LRP5: variants seen among roughly 807,000 people sequenced by gnomAD.
LRP5 encodes the protein low-density lipoprotein receptor-related protein 5.
A neutral mutation model predicts 154.1 loss-of-function variants in LRP5; 62 were observed. The observed-to-expected ratio is 0.40, with a 90% CI of 0.33 to 0.50. The LOEUF is 0.50. LRP5 is among the 20% of genes least tolerant of loss of function. The pLI, the probability that LRP5 is intolerant of heterozygous loss-of-function variation, is 0.55. For missense variants in LRP5, 1,915 were observed against 2,336.7 expected, an observed-to-expected ratio of 0.82 and a Z score of 3.72; for synonymous variants, 966 against 1,011.5, an observed-to-expected ratio of 0.96 and a Z score of 0.85.
chr11:68,379,989 C>T (rs1803471096), intron 5 of LRP5, among the ~76,000 whole-genome samples: 1 of 152,164 alleles, frequency 6.6e-6, no homozygotes. Context: ...AAAAGTTAGC[C>T]AGGCGTGGTG....
At chr11:68,401,862 T>A (rs1297828885) in intron 7 of LRP5, among the ~76,000 whole-genome samples, 1 of 152,084 alleles carries the variant, frequency 6.6e-6, no homozygotes, top group Non-Finnish European at 1.5e-5. Flanking sequence ...CTCGTTTTTT[T>A]TTGTACTTTT....
chr11:68,433,224 G>A (rs1490807818), intron 17 of LRP5, among the ~76,000 whole-genome samples: 2 of 152,202 alleles, frequency 1.3e-5, no homozygotes, highest in Admixed American at 6.5e-5. Context: ...GTGTGTTGCC[G>A]GGAGGAGGAA....
upstream of LRP5, among the ~76,000 whole-genome samples, chr11:68,312,336 T>A (rs1358759537): frequency 2.0e-5 from 3 of 151,768 alleles, no homozygotes; most frequent in Non-Finnish European, 4.4e-5. Context: ...CACACCTGGC[T>A]CCGGGCCCCG....
At chr11:68,320,681 C>T (rs1321197726) in intron 1 of LRP5, among the ~76,000 whole-genome samples, 7 of 152,182 alleles carry the variant, frequency 4.6e-5, no homozygotes, top group South Asian at 2.1e-4. Flanking sequence ...AGGCTGGTCT[C>T]GAACTCCTGA....
chr11:68,429,284 G>A (rs575661698), intron 16 of LRP5, among the ~76,000 whole-genome samples: 1 of 152,238 alleles, frequency 6.6e-6, no homozygotes, highest in East Asian at 1.9e-4. Context: ...AGACAAGTGG[G>A]CAGTTCAGAC....
chr11:68,385,934 C>T (rs561271740), intron 5 of LRP5, among the ~76,000 whole-genome samples: 5 of 152,060 alleles, frequency 3.3e-5, no homozygotes, highest in South Asian at 4.1e-4. Context: ...TGGTACCCGG[C>T]GGGACTTGTG....
chr11:68,447,881 A>T lies in LRP5; in HGVS notation c.4587-928A>T, dbSNP rs1218661523. ...TTGGGTGCAGGTAGCCTCTGGGAGG[A>T]TGGGAGGTCAGGAGCCATCTTGCGA... On this transcript the variant is annotated intron_variant, in intron 22 of 22. Transcript: ENST00000294304. The surrounding 1 kb of genome is among the most constrained non-coding windows in gnomAD (Gnocchi z 4.3). 6.6e-6 allele frequency among the ~76,000 whole-genome samples: 1 copy of T among 152,012 alleles called. No homozygotes were observed. The highest frequency in any genetic ancestry group is 1.5e-5 in the Non-Finnish European group (1 of 68,010).
At chr11:68,397,972 T>TTGTGTG (rs113280059) in intron 7 of LRP5, among the ~76,000 whole-genome samples, 9,046 of 142,114 alleles carry the variant, frequency 0.064, 363 homozygotes, top group African/African-American at 0.098. Context: ...CTGTGTGTGT[T>TTGTGTG]TGTGTGTGTG....
In LRP5 at chr11:68,423,010, G is replaced by A. The variant is rs1275051393; in HGVS notation, c.3028-479G>A. Among the ~76,000 whole-genome samples, 2 of 152,172 alleles carry A rather than the reference G, an allele frequency of 1.3e-5. No homozygotes were observed. The highest frequency in any genetic ancestry group is 2.9e-5 in the Non-Finnish European group (2 of 68,038). On this transcript the variant is annotated intron_variant, in intron 13 of 22. Coordinates refer to ENST00000294304, the MANE Select transcript of LRP5 (RefSeq NM_002335.4). This position sits in a 1 kb window ranked among gnomAD's most constrained non-coding sequence, Gnocchi z 4.7. ...GCCCTGCAGAGAAAACAGTACGTGAGGGCCGCAGTCCAAAAGCTTGAGTCC... is the reference window on the plus strand; with the variant it reads ...GCCCTGCAGAGAAAACAGTACGTGAAGGCCGCAGTCCAAAAGCTTGAGTCC...
At position 68,409,906 on chromosome 11, in the gene LRP5, G is replaced by A. The variant is rs373090987; in HGVS notation, c.2092-8G>A. On this transcript the variant is annotated splice_polypyrimidine_tract_variant and splice_region_variant and intron_variant, in intron 9 of 22. Transcript: ENST00000294304. ...AATGTGGCCCTTTTCCTCCTCACCT[G>A]CTGCCAGACCATCAGCCGCGCCTTC... 3.7e-6 allele frequency: 6 copies of A among 1,609,838 alleles called. No individual in the cohort carries two copies. In the African/African-American group the frequency reaches 8.0e-5, roughly 22 times the overall value.
intron 1 of LRP5, among the ~76,000 whole-genome samples, chr11:68,342,934 G>A (rs2098609971): frequency 6.6e-6 from 1 of 152,242 alleles, no homozygotes. Context: ...CGGCTGGGCT[G>A]GCCAGGGCCC....
chr11:68,379,033 G>A (rs923938256), intron 5 of LRP5, among the ~76,000 whole-genome samples: 2 of 151,388 alleles, frequency 1.3e-5, no homozygotes, highest in South Asian at 2.1e-4. Flanking sequence ...GCAACAGAGC[G>A]AGACTCTGTC....
chr11:68,415,320 C>T (rs1052900613), intron 12 of LRP5, among the ~76,000 whole-genome samples: 1 of 152,276 alleles, frequency 6.6e-6, no homozygotes. Context: ...CCCGGTTTTC[C>T]GCAGTTCACT....
chr11:68,364,708 C>A (rs182532552), intron 4 of LRP5, among the ~76,000 whole-genome samples: 1 of 152,014 alleles, frequency 6.6e-6, no homozygotes, highest in Non-Finnish European at 1.5e-5. Flanking sequence ...TCTGGCCAGG[C>A]CATTATGGAA....
chr11:68,314,462 C>A (rs1210413892), intron 1 of LRP5, among the ~76,000 whole-genome samples: 4 of 152,214 alleles, frequency 2.6e-5, no homozygotes, highest in Non-Finnish European at 5.9e-5. Context: ...AATCTTTCTG[C>A]AGAACGGTTT....
At chr11:68,410,988 A>G (rs2098659090) in intron 10 of LRP5, among the ~76,000 whole-genome samples, 1 of 152,220 alleles carries the variant, frequency 6.6e-6, no homozygotes, top group East Asian at 1.9e-4. Flanking sequence ...AAGAAGAGGG[A>G]AGGAGGGGCT....
At chr11:68,359,227 T>A (rs1364867887) in intron 3 of LRP5, among the ~76,000 whole-genome samples, 10 of 152,128 alleles carry the variant, frequency 6.6e-5, no homozygotes, top group African/African-American at 2.2e-4. Flanking sequence ...TGGGCCTCAG[T>A]CATCTGAAGG....
intron 13 of LRP5, among the ~76,000 whole-genome samples, chr11:68,421,121 G>A (rs929694220): frequency 6.6e-6 from 1 of 152,128 alleles, no homozygotes; most frequent in African/African-American, 2.4e-5. Flanking sequence ...CAGCTACTTG[G>A]GAGGCTGAGG....
intron 4 of LRP5, 45 bp from the exon 5 acceptor site, chr11:68,365,526 G>A (rs769008528): frequency 3.6e-5 from 58 of 1,612,722 alleles, no homozygotes; most frequent in Middle Eastern, 1.8e-4. Context: ...AACAAGTGAC[G>A]GTCCTCTTCT....
Sources: gnomAD v4.1 joint callset for allele counts (sites outside exome capture counted in the v4.1 genomes callset) on GRCh38, gnomAD v4.1.1 for gene constraint, Gnocchi (gnomAD v3.1) non-coding constraint, MANE v1.5 for transcripts, NCBI Gene and HGNC (gene_info 2026-07-23, HGNC 2026-07-21) for gene names.